ZNF711: variants seen among roughly 807,000 people sequenced by gnomAD.
The protein encoded by ZNF711 is ZFX family zinc finger ZNF711, also known as zinc finger protein 711.
ZNF711 carries 3 observed loss-of-function variants against 43.5 expected under a neutral mutation model. The ratio of observed to expected loss-of-function variants is 0.07; its 90% confidence interval spans 0.03 to 0.18. The LOEUF (loss-of-function observed/expected upper bound fraction) is 0.18, where lower values mean the gene tolerates loss of function less well. Among genes scored for constraint, ZNF711 ranks in the 10% least tolerant of loss-of-function variants. ZNF711 has a pLI of 1.00. For missense variants in ZNF711, 412 were observed against 604.0 expected (o/e 0.68, Z 3.33); for synonymous variants, 209 against 207.7 (o/e 1.01, Z -0.06).
In ZNF711 at chrX:85,272,944, T is replaced by C. The variant is rs1488408728; in HGVS notation, c.*1116T>C. 1 of 112,089 alleles carries C rather than the reference T, an allele frequency of 8.9e-6. No individual in the cohort carries two copies. Among genetic ancestry groups the C allele is most frequent in the African/African-American group, 3.2e-5 (1 of 30,860 alleles). 9.2% of individuals were successfully genotyped at this position (112,089 alleles called of 1,213,427 possible). ...TTAACAACGCTTTGTGTTAGCATGC[T>C]GCAAATCAAAATGGCACTTAATATT... On this transcript the variant is annotated 3_prime_UTR_variant, in exon 11 of 11. Transcript: ENST00000674551.
In ZNF711 at chrX:85,273,285, T is replaced by C. The variant is rs1234307506; in HGVS notation, c.*1457T>C. 8.9e-6 allele frequency: 1 copy of C among 112,115 alleles called. No individual in the cohort carries two copies. The highest frequency in any genetic ancestry group is 9.5e-5 in the Admixed American group (1 of 10,485). 9.2% of individuals were successfully genotyped at this position (112,115 alleles called of 1,213,427 possible). A position where few individuals can be genotyped will look rare whatever the true frequency, so the allele number is the denominator to read the frequency against. The stretch of plus-strand genomic sequence containing the variant: ...TGTACACGCTGTAAAATAAGATCGC[T>C]ACTGTTATGTGGGATTATTATTTCT... On this transcript the variant is annotated 3_prime_UTR_variant, in exon 11 of 11. Coordinates refer to ENST00000674551, the MANE Select transcript of ZNF711 (RefSeq NM_001330574.2).
intron 5 of ZNF711, among the ~76,000 whole-genome samples, chrX:85,261,230 A>G (rs1437252666): frequency 9.0e-6 from 1 of 111,339 alleles, no homozygotes; most frequent in Non-Finnish European, 1.9e-5. Flanking sequence ...CAGTATTACT[A>G]ATAACATTCC....
At chrX:85,258,084 G>A (rs1930332947) in intron 5 of ZNF711, among the ~76,000 whole-genome samples, 1 of 112,441 alleles carries the variant, frequency 8.9e-6, no homozygotes, top group African/African-American at 3.2e-5. Flanking sequence ...ACTTTCACAT[G>A]CATGTTCATA....
Position 85,255,789 on chromosome X carries a change from T to C in ZNF711, c.610T>C (p.Leu204=), listed in dbSNP as rs1322138952. Residue 204 remains leucine, a synonymous_variant, in exon 5 of 11, where the codon TTA becomes CTA. Coordinates refer to ENST00000674551, the MANE Select transcript of ZNF711 (RefSeq NM_001330574.2). ...DDVKSTSEDY[L]MISLDDVGEK... ...TGTCAAGAGCACTTCTGAAGACTAC[T>C]TAATGATATCTTGTAAGTGAAACAT... The C allele has an allele frequency of 1.7e-6, 2 of 1,207,956 alleles. No individual in the cohort carries two copies. Among genetic ancestry groups the C allele is most frequent in the Non-Finnish European group, 2.2e-6 (2 of 894,519 alleles).
chrX:85,244,926 A>C (rs771490768), intron 1 of ZNF711: 1 of 111,872 alleles, frequency 8.9e-6, no homozygotes, highest in Non-Finnish European at 1.9e-5. Flanking sequence ...TTCTTGTCTC[A>C]TCGGTCTCTT....
chrX:85,254,266 G>A (rs1185186647), intron 4 of ZNF711, among the ~76,000 whole-genome samples: 1 of 108,401 alleles, frequency 9.2e-6, no homozygotes, highest in Non-Finnish European at 1.9e-5. Context: ...TCAGGAGATC[G>A]AGACCATCCT....
chrX:85,244,145 GGCAGCGGCGGC>G lies in ZNF711; in HGVS notation c.-450_-440del. On this transcript the variant is annotated 5_prime_UTR_variant, in exon 1 of 11. Coordinates refer to ENST00000674551, the MANE Select transcript of ZNF711 (RefSeq NM_001330574.2). ...CGGAGGCGGCGGCGGCGGCGGCGGC[GGCAGCGGCGGC>G]GGCAGCGGCGGCGGCAGCTGTAGCT... 1 of 137,004 alleles carries G rather than the reference GGCAGCGGCGGC, an allele frequency of 7.3e-6. No homozygotes were observed. The highest frequency in any genetic ancestry group is 2.5e-4 in the South Asian group (1 of 4,042). The allele number at this position is 137,004 out of a possible 1,213,427, so 11.3% of individuals were successfully genotyped here.
chrX:85,269,282 C>T (rs1349474367), intron 9 of ZNF711, among the ~76,000 whole-genome samples: 1 of 110,526 alleles, frequency 9.0e-6, no homozygotes, highest in Non-Finnish European at 1.9e-5. Flanking sequence ...TTTCATCAGC[C>T]TTCATTGGTA....
At position 85,272,236 on chromosome X, in the gene ZNF711, G is replaced by C. The variant is rs1001398730; in HGVS notation, c.*408G>C. The stretch of plus-strand genomic sequence containing the variant: ...CACTTTTATGCAATTTTAGAAATGG[G>C]GCAGGGAAACAAAATGTGGTCATTC... On this transcript the variant is annotated 3_prime_UTR_variant, in exon 11 of 11. Transcript: ENST00000674551. 3.2e-5 allele frequency: 4 copies of C among 124,913 alleles called. No homozygotes were observed. The highest frequency in any genetic ancestry group is 8.3e-5 in the Admixed American group (1 of 12,046). 10.3% of individuals were successfully genotyped at this position (124,913 alleles called of 1,213,427 possible).
At chrX:85,248,472 CAA>C (rs1166126484) in intron 4 of ZNF711, among the ~76,000 whole-genome samples, 18 of 19,950 alleles carry the variant, frequency 9.0e-4, no homozygotes, top group African/African-American at 2.1e-3. Context: ...GACTCAGTCT[CAA>C]AAAAAAAAAA....
chrX:85,248,472 C>CAAAAAAAA (rs1166126484), intron 4 of ZNF711, among the ~76,000 whole-genome samples: 1 of 19,961 alleles, frequency 5.0e-5, no homozygotes, highest in Non-Finnish European at 9.9e-5. Context: ...GACTCAGTCT[C>CAAAAAAAA]AAAAAAAAAA....
At chrX:85,253,764 G>GACACAC (rs756155292) in intron 4 of ZNF711, among the ~76,000 whole-genome samples, 4,794 of 90,427 alleles carry the variant, frequency 0.053, 145 homozygotes, top group African/African-American at 0.1. Flanking sequence ...TGTGTTCACA[G>GACACAC]ACACACACAC....
At chrX:85,268,867 T>A (rs1049345362) in intron 9 of ZNF711, among the ~76,000 whole-genome samples, 4 of 111,615 alleles carry the variant, frequency 3.6e-5, no homozygotes, top group African/African-American at 1.3e-4. Context: ...TTTCTTATGA[T>A]AATGTGTCAT....
intron 7 of ZNF711, 101 bp from the exon 8 acceptor site, chrX:85,267,177 C>A: frequency 1.4e-6 from 1 of 718,977 alleles, no homozygotes; most frequent in Non-Finnish European, 1.8e-6. Context: ...TTAAATTAAC[C>A]AAACTGAAAT....
rs1391123209 is a variant in ZNF711 at position 85,255,289 on chromosome X, A to G, written c.110A>G (p.Asp37Gly). 5 of 1,209,737 alleles carry G rather than the reference A, an allele frequency of 4.1e-6. No individual in the cohort carries two copies. In the African/African-American group the frequency reaches 8.8e-5, roughly 21 times the overall value. Residue 37 changes from aspartate (D) to glycine (G), a missense_variant, in exon 5 of 11, where the codon GAT (aspartate) becomes GGT (glycine). Around this residue, in one of 4 missense-constraint regions of ZNF711, gnomAD observed 375 missense variants for 514.2 expected, o/e 0.73. Coordinates refer to ENST00000674551, the MANE Select transcript of ZNF711 (RefSeq NM_001330574.2). Reference sequence around the variant, plus strand: ...GGAATGGCTGGTACTGCACATATCGATGGAGACCATATTGTTGTTTCAGTT... The same window carrying G: ...GGAATGGCTGGTACTGCACATATCGGTGGAGACCATATTGTTGTTTCAGTT... ...VAGMAGTAHI[D>G]GDHIVVSVPE...
In ZNF711 at chrX:85,265,278, G is replaced by C. The variant is rs746227193; in HGVS notation, c.916+23G>C. On this transcript the variant is annotated intron_variant, in intron 7 of 10. Transcript: ENST00000674551. ...TCAGTAAGAAAATAAGGGCACTGTA[G>C]TGACTTATCAGTAGCCATCATGCAT... 2.5e-6 allele frequency: 3 copies of C among 1,200,398 alleles called. No homozygotes were observed. The East Asian group carries it at 8.9e-5, about 36-fold the overall frequency.
Position 85,247,546 on chromosome X carries a change from G to T in ZNF711, c.-26-1G>T. 1 of 1,157,407 alleles carries T rather than the reference G, an allele frequency of 8.6e-7. No homozygotes were observed. Among genetic ancestry groups the T allele is most frequent in the Non-Finnish European group, 1.2e-6 (1 of 850,204 alleles). On this transcript the variant is annotated splice_acceptor_variant, in intron 3 of 10. Coordinates refer to ENST00000674551, the MANE Select transcript of ZNF711 (RefSeq NM_001330574.2). LOFTEE classifies it low-confidence loss of function (5UTR_SPLICE). The stretch of plus-strand genomic sequence containing the variant: ...TATTTTAAAAGCCATTTCTTTTGCA[G>T]ATATTGGTGAATGAACTTTGCTAAG...
In ZNF711 at chrX:85,270,707, A is replaced by C. The variant is rs1244542343; in HGVS notation, c.1303A>C (p.Thr435Pro). The change falls in exon 11 of 11, where the codon ACA (threonine) becomes CCA (proline). Residue 435 changes from threonine to proline, a missense_variant. By Grantham distance (38) the Thr-to-Pro change is conservative (BLOSUM62 -1). Transcript: ENST00000674551. ...CACAGTGTACCCTTGCCATATTTGC[A>C]CAAAAAAGTTTAAATCCAGGGGATT... ...PLTVYPCHICTKKFKSRGFLK... is the reference protein window; with the variant it reads ...PLTVYPCHICPKKFKSRGFLK... 1.7e-6 allele frequency: 2 copies of C among 1,208,789 alleles called. No homozygotes were observed. The highest frequency in any genetic ancestry group is 3.5e-5 in the South Asian group (2 of 56,541).
intron 9 of ZNF711, among the ~76,000 whole-genome samples, chrX:85,269,374 C>CT (rs1381089442): frequency 1.6e-4 from 16 of 97,780 alleles, no homozygotes; most frequent in Non-Finnish European, 2.4e-4. Flanking sequence ...TTCTTTCTTT[C>CT]TTTTTTCTTT....
Sources: allele counts gnomAD v4.1 joint callset (sites outside exome capture counted in the v4.1 genomes callset), GRCh38; gene constraint gnomAD v4.1.1; regional missense constraint gnomAD v4.1.1; transcripts MANE v1.5; gene names NCBI Gene and HGNC (gene_info 2026-07-23, HGNC 2026-07-21).